Variants in EPHA6 observed in about 807,000 individuals in gnomAD.
EPHA6 encodes EPH receptor A6.
Under a neutral mutation model 112.0 loss-of-function variants are expected in EPHA6, and 50 were observed. The ratio of observed to expected loss-of-function variants is 0.45; its 90% CI spans 0.36 to 0.56. EPHA6 has a LOEUF of 0.56. Among genes scored for constraint, EPHA6 ranks in the 20% least tolerant of loss-of-function variants. EPHA6 has a pLI of 0.00. For synonymous variants in EPHA6, 529 were observed against 490.7 expected (o/e 1.08, Z -1.03); for missense variants, 1,280 against 1,417.4 (o/e 0.90, Z 1.56).
chr3:97,311,997 C>A (rs191265295), intron 5 of EPHA6, among the ~76,000 whole-genome samples: 3 of 151,586 alleles, frequency 2.0e-5, no homozygotes, highest in Non-Finnish European at 4.4e-5. Flanking sequence ...TGTAATTTTT[C>A]TTAGCAATGT....
At chr3:97,374,277 C>A (rs2085222346) in intron 5 of EPHA6, among the ~76,000 whole-genome samples, 1 of 152,052 alleles carries the variant, frequency 6.6e-6, no homozygotes, top group Non-Finnish European at 1.5e-5. Context: ...ACTCTCCTAC[C>A]CTTTTGCTTC....
At chr3:97,618,160 C>A (rs568654879) in intron 13 of EPHA6, among the ~76,000 whole-genome samples, 1 of 152,244 alleles carries the variant, frequency 6.6e-6, no homozygotes, top group South Asian at 2.1e-4. Context: ...AATTGTATAA[C>A]CTGCTCCTGA....
chr3:97,323,844 G>C (rs2082237735), intron 5 of EPHA6, among the ~76,000 whole-genome samples: 1 of 151,880 alleles, frequency 6.6e-6, no homozygotes, highest in Non-Finnish European at 1.5e-5. Flanking sequence ...AATATGAAAA[G>C]CTGAAACAGA....
intron 5 of EPHA6, among the ~76,000 whole-genome samples, chr3:97,324,433 C>CTTTCTTTCT (rs2082289176): frequency 6.9e-6 from 1 of 145,506 alleles, no homozygotes; most frequent in African/African-American, 2.6e-5. Context: ...TTCTTTCTTT[C>CTTTCTTTCT]TTTCTTTCTT....
intron 5 of EPHA6, among the ~76,000 whole-genome samples, chr3:97,392,308 A>C (rs2086452498): frequency 6.6e-6 from 1 of 151,778 alleles, no homozygotes; most frequent in African/African-American, 2.4e-5. Context: ...AGGTAATTTA[A>C]AAATCATTAG....
rs1232877812 is a variant in EPHA6 at position 96,978,180 on chromosome 3, TAAGG to T, written c.451-9146_451-9143del. 2.6e-5 allele frequency among the ~76,000 whole-genome samples: 4 copies of T among 152,086 alleles called. No individual in the cohort carries two copies. In the East Asian group the frequency reaches 5.8e-4, roughly 22 times the overall value. ...ATCTCAGAAAAAGAAAAGAAAATCATAAGGAAGAGAAAATATATTGACTATTCAT... is the reference window on the plus strand; with the variant it reads ...ATCTCAGAAAAAGAAAAGAAAATCATAAGAGAAAATATATTGACTATTCAT... On this transcript the variant is annotated intron_variant, in intron 2 of 17. Transcript: ENST00000389672.
chr3:96,892,475 A>G (rs1337715558), intron 2 of EPHA6, among the ~76,000 whole-genome samples: 1 of 152,074 alleles, frequency 6.6e-6, no homozygotes, highest in East Asian at 1.9e-4. Flanking sequence ...CACCTGCCTC[A>G]GCCCCCAAAG....
At chr3:97,212,873 T>A (rs564365072) in intron 3 of EPHA6, among the ~76,000 whole-genome samples, 1 of 152,292 alleles carries the variant, frequency 6.6e-6, no homozygotes, top group Non-Finnish European at 1.5e-5. Context: ...ATATAACCCC[T>A]GTTTCTAAGT....
intron 3 of EPHA6, among the ~76,000 whole-genome samples, chr3:97,014,424 T>G (rs1467670529): frequency 6.8e-6 from 1 of 147,290 alleles, no homozygotes; most frequent in Non-Finnish European, 1.5e-5. Context: ...CTTCTTTCCC[T>G]CCCACCTTCC....
chr3:96,916,873 G>T (rs541521038), intron 2 of EPHA6, among the ~76,000 whole-genome samples: 42 of 152,224 alleles, frequency 2.8e-4, no homozygotes, highest in African/African-American at 7.7e-4. Flanking sequence ...AATACAATTT[G>T]CAAAATGAGA....
At chr3:97,455,642 A>C (rs1431344407) in intron 7 of EPHA6, among the ~76,000 whole-genome samples, 1 of 152,008 alleles carries the variant, frequency 6.6e-6, no homozygotes, top group Non-Finnish European at 1.5e-5. Flanking sequence ...TCAGAAGACT[A>C]TTTATAAATC....
intron 5 of EPHA6, among the ~76,000 whole-genome samples, chr3:97,397,655 A>T (rs2109091058): frequency 6.6e-6 from 1 of 151,740 alleles, no homozygotes; most frequent in East Asian, 1.9e-4. Flanking sequence ...AGTTATATGA[A>T]GCAGTTTTCT....
At chr3:97,498,333 A>T (rs1374100082) in intron 10 of EPHA6, among the ~76,000 whole-genome samples, 4 of 136,760 alleles carry the variant, frequency 2.9e-5, no homozygotes, top group Non-Finnish European at 4.5e-5. Flanking sequence ...AAAATAGCAA[A>T]AAAAAAAAAA....
At chr3:97,566,216 T>G (rs1371684775) in intron 11 of EPHA6, among the ~76,000 whole-genome samples, 2 of 152,000 alleles carry the variant, frequency 1.3e-5, no homozygotes, top group Non-Finnish European at 2.9e-5. Flanking sequence ...AACCAGATCT[T>G]GCATGAACTA....
intron 2 of EPHA6, among the ~76,000 whole-genome samples, chr3:96,971,014 A>T (rs2042299287): frequency 6.6e-6 from 1 of 152,112 alleles, no homozygotes; most frequent in African/African-American, 2.4e-5. Context: ...CAGGGTAATT[A>T]AGATAAATAT....
At chr3:97,746,304 T>C (rs1260090451) in intron 16 of EPHA6, among the ~76,000 whole-genome samples, 3 of 151,850 alleles carry the variant, frequency 2.0e-5, no homozygotes, top group African/African-American at 7.2e-5. Context: ...CTAGTTAATA[T>C]AAATTACAGA....
chr3:97,514,119 T>G (rs2092408942), intron 10 of EPHA6, among the ~76,000 whole-genome samples: 1 of 152,162 alleles, frequency 6.6e-6, no homozygotes, highest in South Asian at 2.1e-4. Context: ...TTTCTCAAAG[T>G]CAGAAATCCA....
At chr3:97,442,888 AC>A (rs940063229) in intron 6 of EPHA6, among the ~76,000 whole-genome samples, 2 of 152,082 alleles carry the variant, frequency 1.3e-5, no homozygotes, top group Non-Finnish European at 2.9e-5. Context: ...TAGTATTCAA[AC>A]TTTTCTTTTC....
chr3:97,002,627 A>G (rs2043707871), intron 3 of EPHA6, among the ~76,000 whole-genome samples: 1 of 151,822 alleles, frequency 6.6e-6, no homozygotes, highest in Non-Finnish European at 1.5e-5. Flanking sequence ...ATTCTGTTGA[A>G]TGCTATGAAG....
Sources: allele counts gnomAD v4.1 joint callset (sites outside exome capture counted in the v4.1 genomes callset), GRCh38; gene constraint gnomAD v4.1.1; transcripts MANE v1.5; gene names NCBI Gene and HGNC (gene_info 2026-07-23, HGNC 2026-07-21).